The following SLC26A7 variants were observed in gnomAD, a reference collection of about 807,000 sequenced individuals.
SLC26A7 encodes solute carrier family 26 member 7.
Under a neutral mutation model 82.5 loss-of-function variants are expected in SLC26A7, and 59 were observed. The ratio of observed to expected loss-of-function variants is 0.72; its 90% CI spans 0.58 to 0.89. The LOEUF (loss-of-function observed/expected upper bound fraction) is 0.89, where lower values mean the gene tolerates loss of function less well. Ranked by LOEUF, SLC26A7 falls within the 40% of genes least tolerant of loss-of-function variation. The pLI is 0.00. For synonymous variants in SLC26A7, 271 were observed against 274.3 expected (o/e 0.99, Z 0.12); for missense variants, 820 against 793.0 (o/e 1.03, Z -0.41).
chr8:91,340,988 C>CTT (rs11294496), intron 8 of SLC26A7, among the ~76,000 whole-genome samples: 31 of 146,926 alleles, frequency 2.1e-4, no homozygotes, highest in African/African-American at 7.3e-4. Flanking sequence ...TGTCCTGTTT[C>CTT]TTTTTTTTTT....
chr8:91,296,090 T>C (rs1347355116), intron 4 of SLC26A7, among the ~76,000 whole-genome samples: 1 of 152,194 alleles, frequency 6.6e-6, no homozygotes, highest in Non-Finnish European at 1.5e-5. Context: ...TGACCAGATC[T>C]CTAGTGTCCT....
intron 4 of SLC26A7, among the ~76,000 whole-genome samples, chr8:91,300,601 T>A (rs1169653824): frequency 6.6e-6 from 1 of 151,952 alleles, no homozygotes; most frequent in Non-Finnish European, 1.5e-5. Context: ...GTTTCACCGT[T>A]ATAGCCGGGA....
chr8:91,313,294 A>G (rs1041615184), intron 4 of SLC26A7, among the ~76,000 whole-genome samples: 4 of 152,134 alleles, frequency 2.6e-5, no homozygotes, highest in African/African-American at 9.7e-5. Flanking sequence ...TCATGTGACC[A>G]TGTATGTATG....
intron 2 of SLC26A7, among the ~76,000 whole-genome samples, chr8:91,252,940 A>G (rs570963953): frequency 6.6e-6 from 1 of 152,030 alleles, no homozygotes; most frequent in East Asian, 1.9e-4. Context: ...CATTGACTCT[A>G]TCAGCAGCCT....
At chr8:91,271,497 T>C (rs1811266262) in intron 2 of SLC26A7, among the ~76,000 whole-genome samples, 1 of 152,152 alleles carries the variant, frequency 6.6e-6, no homozygotes, top group South Asian at 2.1e-4. Context: ...TTTCTTCATC[T>C]GAATGCAAAG....
intron 1 of SLC26A7, among the ~76,000 whole-genome samples, chr8:91,211,362 A>G (rs1809913909): frequency 6.6e-6 from 1 of 151,736 alleles, no homozygotes; most frequent in African/African-American, 2.4e-5. Flanking sequence ...AAATTTAAGG[A>G]TGCTTAAAAT....
intron 2 of SLC26A7, among the ~76,000 whole-genome samples, chr8:91,238,212 A>G (rs1810417973): frequency 6.6e-6 from 1 of 151,932 alleles, no homozygotes; most frequent in African/African-American, 2.4e-5. Flanking sequence ...TTCCTTTTTT[A>G]TTTTCTATTT....
intron 2 of SLC26A7, among the ~76,000 whole-genome samples, chr8:91,243,686 A>G (rs1384099635): frequency 6.6e-6 from 1 of 152,242 alleles, no homozygotes; most frequent in Non-Finnish European, 1.5e-5. Flanking sequence ...TTAGGAACTC[A>G]CATAGTTTCC....
At chr8:91,231,793 ATG>A (rs141002611) in intron 2 of SLC26A7, among the ~76,000 whole-genome samples, 34 of 151,792 alleles carry the variant, frequency 2.2e-4, no homozygotes, top group African/African-American at 8.0e-4. Context: ...ATGTGTGTGT[ATG>A]TGTGTGTGTG....
Position 91,393,953 on chromosome 8 carries a change from A to G in SLC26A7, c.1849A>G (p.Met617Val). The G allele has an allele frequency of 6.2e-7, 1 of 1,613,682 alleles. No homozygotes were observed. Among genetic ancestry groups the G allele is most frequent in the Non-Finnish European group, 8.5e-7 (1 of 1,179,642 alleles). ...TCTTGAAGCTTCCTTGATAAAAGCA[A>G]TGACGTATTATGGAAACCTAGACTC... The part of the protein sequence containing the change: ...AHCTASLIKA[M>V]TYYGNLDSEK... The change falls in exon 18 of 19, where the codon ATG (methionine) becomes GTG (valine). Residue 617 changes from methionine to valine, a missense_variant. By Grantham distance (21) the Met-to-Val change is conservative. Transcript: ENST00000276609.
At chr8:91,239,398 ATATAT>A (rs1810440542) in intron 2 of SLC26A7, among the ~76,000 whole-genome samples, 5 of 104,368 alleles carry the variant, frequency 4.8e-5, no homozygotes, top group African/African-American at 1.9e-4. Flanking sequence ...AAAAAAAAAT[ATATAT>A]ATATATATGT....
intron 15 of SLC26A7, among the ~76,000 whole-genome samples, chr8:91,374,555 T>A (rs1012148641): frequency 2.0e-5 from 3 of 152,082 alleles, no homozygotes; most frequent in African/African-American, 7.2e-5. Flanking sequence ...TCTCTTAGTA[T>A]TGATTTACAC....
intron 5 of SLC26A7, among the ~76,000 whole-genome samples, chr8:91,327,603 G>A (rs1812968302): frequency 6.6e-6 from 1 of 152,172 alleles, no homozygotes; most frequent in African/African-American, 2.4e-5. Flanking sequence ...TGTTTCTGGA[G>A]ATAGTTATGG....
chr8:91,230,944 T>G (rs1246385871), intron 2 of SLC26A7, among the ~76,000 whole-genome samples: 3 of 151,690 alleles, frequency 2.0e-5, no homozygotes, highest in Non-Finnish European at 4.4e-5. Flanking sequence ...GACCATGAGA[T>G]AGATTTAGAA....
At chr8:91,269,322 C>T (rs150672924) in intron 2 of SLC26A7, among the ~76,000 whole-genome samples, 3 of 152,054 alleles carry the variant, frequency 2.0e-5, no homozygotes, top group Admixed American at 1.3e-4. Context: ...GTCTTGATCT[C>T]TCCTTCACAT....
At chr8:91,218,813 A>G in intron 1 of SLC26A7, 1 of 912,760 alleles carries the variant, frequency 1.1e-6, no homozygotes, top group Non-Finnish European at 1.6e-6. Context: ...GAAACCTCTG[A>G]GAAAGCAAAT....
At chr8:91,241,138 C>A (rs1183311102) in intron 2 of SLC26A7, among the ~76,000 whole-genome samples, 1 of 152,056 alleles carries the variant, frequency 6.6e-6, no homozygotes, top group African/African-American at 2.4e-5. Context: ...TGTAAGTAAC[C>A]AGTTTCTACT....
chr8:91,389,479 T>C (rs748620534), intron 16 of SLC26A7, 41 bp downstream of exon 16: 1 of 1,467,562 alleles, frequency 6.8e-7, no homozygotes, highest in Non-Finnish European at 9.6e-7. Flanking sequence ...TCTTCCCTTT[T>C]GTTCAGTAAC....
intron 2 of SLC26A7, among the ~76,000 whole-genome samples, chr8:91,277,614 T>C (rs972437175): frequency 6.6e-6 from 1 of 152,164 alleles, no homozygotes; most frequent in African/African-American, 2.4e-5. Flanking sequence ...ACTCATAATA[T>C]GGCCCTATAA....
Sources: gnomAD v4.1 joint callset for allele counts (sites outside exome capture counted in the v4.1 genomes callset) on GRCh38, gnomAD v4.1.1 for gene constraint, MANE v1.5 for transcripts, NCBI Gene and HGNC (gene_info 2026-07-23, HGNC 2026-07-21) for gene names.